The following ASTN2 variants were observed in gnomAD, a reference collection of about 807,000 sequenced individuals.
The protein encoded by ASTN2 is astrotactin 2.
ASTN2 carries 54 observed loss-of-function variants against 139.8 expected under a neutral mutation model. The observed-to-expected ratio is 0.39, with a 90% CI of 0.31 to 0.48. ASTN2 has a LOEUF of 0.48. ASTN2 is among the 20% of genes least tolerant of loss of function. The pLI is 0.95. For synonymous variants in ASTN2, 756 were observed against 719.5 expected (o/e 1.05, Z -0.81); for missense variants, 1,565 against 1,725.1 (o/e 0.91, Z 1.64).
chr9:117,326,310 G>C (rs1278348599), intron 1 of ASTN2, among the ~76,000 whole-genome samples: 1 of 152,068 alleles, frequency 6.6e-6, no homozygotes, highest in Non-Finnish European at 1.5e-5. Flanking sequence ...AGTATTCGGA[G>C]AAAAAGAGGG....
At chr9:117,214,870 C>T in intron 2 of ASTN2, 128 bp from the exon 3 acceptor site, 1 of 1,127,956 alleles carries the variant, frequency 8.9e-7, no homozygotes, top group Non-Finnish European at 1.1e-6. Context: ...CAGGAACCAC[C>T]AGCCGTGGTT....
intron 1 of ASTN2, among the ~76,000 whole-genome samples, chr9:117,391,386 AG>A: frequency 6.6e-6 from 1 of 152,208 alleles, no homozygotes; most frequent in East Asian, 1.9e-4. Context: ...CAGTTATGTC[AG>A]ACGGCAAGGA....
At chr9:117,003,332 G>C (rs895269002) in intron 7 of ASTN2, among the ~76,000 whole-genome samples, 7 of 152,092 alleles carry the variant, frequency 4.6e-5, no homozygotes, top group African/African-American at 1.7e-4. Flanking sequence ...AGAACCTCAG[G>C]CTTAACTCCA....
At position 117,228,524 on chromosome 9, in the gene ASTN2, AGG is replaced by A. The variant is rs541611440; in HGVS notation, c.631-13784_631-13783del. On this transcript the variant is annotated intron_variant, in intron 2 of 22. Transcript: ENST00000313400. ...GAAAACCCCTGGAAAGTTAGTTACT[AGG>A]GGCAGAGAGTCAAGCATAAGATGCC... 2.6e-3 allele frequency among the ~76,000 whole-genome samples: 390 copies of A among 152,224 alleles called. 2 individuals carry two copies. Among genetic ancestry groups the A allele is most frequent in the Middle Eastern group, 0.01 (3 of 292 alleles).
chr9:116,609,379 G>GTATGTATATATATATATATA (rs1855404946), intron 19 of ASTN2, among the ~76,000 whole-genome samples: 1 of 116,726 alleles, frequency 8.6e-6, no homozygotes, highest in South Asian at 2.6e-4. Context: ...ATATATGGGT[G>GTATGTATATATATATATATA]TATATATATA....
chr9:117,214,457 T>C lies in ASTN2; in HGVS notation c.916A>G (p.Asn306Asp), dbSNP rs1480667164. 1 of 1,614,170 alleles carries C rather than the reference T, an allele frequency of 6.2e-7. No individual in the cohort carries two copies. The highest frequency in any genetic ancestry group is 1.3e-5 in the African/African-American group (1 of 75,056). The change falls in exon 3 of 23, where the codon AAC (asparagine) becomes GAC (aspartate). Residue 306 changes from asparagine (N) to aspartate (D), a missense_variant. By Grantham distance (23) the Asn-to-Asp change is conservative (BLOSUM62 1). Coordinates refer to ENST00000313400, the MANE Select transcript of ASTN2 (RefSeq NM_001365068.1). The part of the protein sequence containing the change: ...EEDEEPPRRA[N>D]HVSREDEFGS... ...AACTCGTCCTCGCGGGAGACATGGTTGGCCCGCCTAGGTGGCTCCTCATCC... is the reference window on the plus strand; with the variant it reads ...AACTCGTCCTCGCGGGAGACATGGTCGGCCCGCCTAGGTGGCTCCTCATCC...
chr9:116,778,477 A>T (rs1244182894), intron 13 of ASTN2, among the ~76,000 whole-genome samples: 2 of 152,174 alleles, frequency 1.3e-5, no homozygotes, highest in South Asian at 2.1e-4. Context: ...AAAAAAAATT[A>T]AAAAGACCAT....
At chr9:116,818,054 T>TA (rs56278080) in intron 12 of ASTN2, among the ~76,000 whole-genome samples, 4,542 of 151,418 alleles carry the variant, frequency 0.03, 230 homozygotes, top group African/African-American at 0.1. Flanking sequence ...GTGCTTTTTT[T>TA]AAAAAAAAAA....
intron 13 of ASTN2, among the ~76,000 whole-genome samples, chr9:116,805,398 G>T (rs1182734806): frequency 3.3e-5 from 5 of 152,186 alleles, no homozygotes; most frequent in African/African-American, 1.2e-4. Flanking sequence ...AAAATGTGGG[G>T]CTAGAACTAG....
intron 19 of ASTN2, among the ~76,000 whole-genome samples, chr9:116,614,291 T>C (rs1215363357): frequency 2.0e-5 from 3 of 152,186 alleles, no homozygotes; most frequent in African/African-American, 7.2e-5. Flanking sequence ...AAAATTGCCA[T>C]GCTGCCAAAG....
At chr9:117,294,742 A>G (rs1564131146) in intron 1 of ASTN2, among the ~76,000 whole-genome samples, 1 of 152,104 alleles carries the variant, frequency 6.6e-6, no homozygotes, top group Non-Finnish European at 1.5e-5. Flanking sequence ...ACTATCTTCT[A>G]CCATCACCCC....
chr9:116,831,167 C>A (rs1204113005), intron 11 of ASTN2, among the ~76,000 whole-genome samples: 2 of 152,190 alleles, frequency 1.3e-5, no homozygotes, highest in East Asian at 3.9e-4. Flanking sequence ...GTACAGAGTG[C>A]AATGACAAAC....
intron 5 of ASTN2, among the ~76,000 whole-genome samples, chr9:117,080,715 G>A (rs1828404490): frequency 6.6e-6 from 1 of 152,190 alleles, no homozygotes; most frequent in East Asian, 1.9e-4. Context: ...AACAGCTCAG[G>A]TCCACAGATA....
chr9:117,092,274 A>T (rs1357395270), intron 5 of ASTN2, among the ~76,000 whole-genome samples: 1 of 152,104 alleles, frequency 6.6e-6, no homozygotes, highest in Non-Finnish European at 1.5e-5. Flanking sequence ...TTTGTCTTCC[A>T]AAATCTTCTA....
At chr9:116,886,662 C>A (rs576785304) in intron 10 of ASTN2, among the ~76,000 whole-genome samples, 49 of 152,124 alleles carry the variant, frequency 3.2e-4, no homozygotes, top group African/African-American at 1.1e-3. Flanking sequence ...CTACTATGCC[C>A]GACTTGCTTT....
intron 11 of ASTN2, among the ~76,000 whole-genome samples, chr9:116,837,002 G>A (rs1487223054): frequency 6.6e-6 from 1 of 152,074 alleles, no homozygotes; most frequent in African/African-American, 2.4e-5. Context: ...CGTGACTTCA[G>A]CCATGTTAAG....
At chr9:117,083,670 C>A (rs780394695) in intron 5 of ASTN2, among the ~76,000 whole-genome samples, 1 of 152,070 alleles carries the variant, frequency 6.6e-6, no homozygotes, top group Non-Finnish European at 1.5e-5. Flanking sequence ...TAAGGAAAGG[C>A]GGGTGGGGGA....
intron 3 of ASTN2, among the ~76,000 whole-genome samples, chr9:117,211,280 G>C (rs149593337): frequency 6.6e-6 from 1 of 152,120 alleles, no homozygotes; most frequent in Non-Finnish European, 1.5e-5. Flanking sequence ...CTACCTAAAC[G>C]TCTTAGAAAT....
chr9:117,282,457 A>G (rs1183251834), intron 2 of ASTN2, among the ~76,000 whole-genome samples: 1 of 152,158 alleles, frequency 6.6e-6, no homozygotes, highest in African/African-American at 2.4e-5. Context: ...GGCCCACACT[A>G]ATGGGACAGG....
Sources: gnomAD v4.1 joint callset for allele counts (sites outside exome capture counted in the v4.1 genomes callset) on GRCh38, gnomAD v4.1.1 for gene constraint, MANE v1.5 for transcripts, NCBI Gene and HGNC (gene_info 2026-07-23, HGNC 2026-07-21) for gene names.